The following SDK1 variants were observed in gnomAD, a reference collection of about 807,000 sequenced individuals.
SDK1 encodes protein sidekick-1.
A neutral mutation model predicts 245.5 loss-of-function variants in SDK1; 157 were observed. That is an observed-to-expected ratio of 0.64 (90% CI 0.56 to 0.73). The LOEUF (loss-of-function observed/expected upper bound fraction) is 0.73. Ranked by LOEUF, SDK1 falls within the 30% of genes least tolerant of loss-of-function variation. The pLI is 0.00. For missense variants in SDK1, 3,583 were observed against 3,002.3 expected (o/e 1.19, Z -4.52); for synonymous variants, 1,647 against 1,278.5 (o/e 1.29, Z -6.15).
At chr7:3,930,925 T>C (rs927959860) in intron 5 of SDK1, among the ~76,000 whole-genome samples, 1 of 152,242 alleles carries the variant, frequency 6.6e-6, no homozygotes, top group East Asian at 1.9e-4. Context: ...GAACATCTTA[T>C]CTATAGCCAT....
At chr7:3,421,902 G>T (rs1245246625) in intron 1 of SDK1, among the ~76,000 whole-genome samples, 2 of 152,156 alleles carry the variant, frequency 1.3e-5, no homozygotes, top group East Asian at 3.8e-4. Context: ...AGATGCAGTG[G>T]CTCCTATCTG....
At chr7:3,389,316 A>G (rs75927753) in intron 1 of SDK1, among the ~76,000 whole-genome samples, 6,993 of 152,266 alleles carry the variant, frequency 0.046, 439 homozygotes, top group African/African-American at 0.14. Context: ...GGCTCCAAAT[A>G]CAATTACAAG....
chr7:4,089,319 A>G (rs1781637495), intron 22 of SDK1, among the ~76,000 whole-genome samples: 3 of 152,218 alleles, frequency 2.0e-5, no homozygotes. Context: ...ACCCCGACTC[A>G]GTTCATCAGA....
chr7:3,813,566 A>T (rs1779437577), intron 4 of SDK1, among the ~76,000 whole-genome samples: 1 of 150,806 alleles, frequency 6.6e-6, no homozygotes, highest in South Asian at 2.1e-4. Flanking sequence ...ATGCCGCAGT[A>T]AACATACATG....
chr7:4,176,953 CAA>C (rs1297976302), intron 34 of SDK1, among the ~76,000 whole-genome samples: 4 of 152,222 alleles, frequency 2.6e-5, no homozygotes, highest in Non-Finnish European at 1.5e-5. Flanking sequence ...AAATCCAACT[CAA>C]GGGCTAGACG....
At chr7:3,711,206 T>A (rs1010337884) in intron 4 of SDK1, among the ~76,000 whole-genome samples, 1 of 152,226 alleles carries the variant, frequency 6.6e-6, no homozygotes, top group Non-Finnish European at 1.5e-5. Flanking sequence ...TTCTAAATAT[T>A]TTTGCAGATC....
chr7:3,346,415 C>T (rs564622162), intron 1 of SDK1, among the ~76,000 whole-genome samples: 32 of 152,268 alleles, frequency 2.1e-4, no homozygotes, highest in East Asian at 9.7e-4. Context: ...AGCACTACAA[C>T]GTACGTATGG....
In SDK1 at chr7:3,546,224, C is replaced by T. The variant is rs530009604; in HGVS notation, c.299-72856C>T. 2.6e-5 allele frequency among the ~76,000 whole-genome samples: 4 copies of T among 152,222 alleles called. No individual in the cohort carries two copies. The South Asian group carries it at 8.3e-4, about 32-fold the overall frequency. On this transcript the variant is annotated intron_variant, in intron 1 of 44. Transcript: ENST00000404826. ...CCCTGAGGATGATGACACCGCGGGT[C>T]TGGGAACCACACTGTAACGAACAAT...
intron 1 of SDK1, among the ~76,000 whole-genome samples, chr7:3,325,013 G>A (rs766711457): frequency 7.2e-5 from 11 of 152,074 alleles, no homozygotes; most frequent in Admixed American, 3.3e-4. Flanking sequence ...TGGTGGAGCA[G>A]CTATTAGTTA....
At chr7:3,637,917 A>C (rs917972794) in intron 2 of SDK1, among the ~76,000 whole-genome samples, 2 of 152,252 alleles carry the variant, frequency 1.3e-5, no homozygotes, top group Non-Finnish European at 2.9e-5. Context: ...TCTGTATCTC[A>C]TCCTGAAAGT....
At chr7:4,081,919 G>A (rs1297556518) in intron 22 of SDK1, among the ~76,000 whole-genome samples, 1 of 152,058 alleles carries the variant, frequency 6.6e-6, no homozygotes, top group Non-Finnish European at 1.5e-5. Flanking sequence ...CATCACACAT[G>A]TGTCTAAAAT....
At position 3,698,152 on chromosome 7, in the gene SDK1, G is replaced by A. The variant is rs1435490879; in HGVS notation, c.713+56047G>A. Among the ~76,000 whole-genome samples, 3 of 152,130 alleles carry A rather than the reference G, an allele frequency of 2.0e-5. No individual in the cohort carries two copies. In the East Asian group the frequency reaches 5.8e-4, roughly 29 times the overall value. On this transcript the variant is annotated intron_variant, in intron 4 of 44. Coordinates refer to ENST00000404826, the MANE Select transcript of SDK1 (RefSeq NM_152744.4). Reference sequence around the variant, plus strand: ...GACCACAAAGGAGGCAGCTTAGAATGACAGAAAACTTTTGGACAATAACCA... The same window carrying A: ...GACCACAAAGGAGGCAGCTTAGAATAACAGAAAACTTTTGGACAATAACCA...
intron 1 of SDK1, among the ~76,000 whole-genome samples, chr7:3,402,277 G>A (rs1583805189): frequency 6.6e-6 from 1 of 152,172 alleles, no homozygotes; most frequent in Non-Finnish European, 1.5e-5. Context: ...AATGATATCT[G>A]TTATAAAGGA....
intron 4 of SDK1, among the ~76,000 whole-genome samples, chr7:3,814,294 G>A (rs1562463412): frequency 6.7e-6 from 1 of 149,248 alleles, no homozygotes; most frequent in Non-Finnish European, 1.5e-5. Context: ...TTTGTATAAG[G>A]TGTAAGGAAG....
chr7:3,805,102 C>G, intron 4 of SDK1, among the ~76,000 whole-genome samples: 1 of 152,178 alleles, frequency 6.6e-6, no homozygotes. Context: ...TCACAAGGTA[C>G]TCATATATCA....
intron 1 of SDK1, among the ~76,000 whole-genome samples, chr7:3,320,237 C>T (rs750984375): frequency 6.6e-5 from 10 of 151,800 alleles, no homozygotes; most frequent in African/African-American, 9.7e-5. Context: ...GTCTCATTTC[C>T]AGATATCTTT....
At chr7:3,636,535 G>T (rs1314927853) in intron 2 of SDK1, among the ~76,000 whole-genome samples, 1 of 152,164 alleles carries the variant, frequency 6.6e-6, no homozygotes, top group Non-Finnish European at 1.5e-5. Flanking sequence ...CAAATGCCAG[G>T]ATTTCCTTCT....
chr7:3,604,144 C>CT (rs1251304125), intron 1 of SDK1, among the ~76,000 whole-genome samples: 2 of 152,230 alleles, frequency 1.3e-5, no homozygotes, highest in African/African-American at 4.8e-5. Flanking sequence ...CTAAAATTCT[C>CT]TTTTTTGGTT....
intron 1 of SDK1, among the ~76,000 whole-genome samples, chr7:3,443,020 C>G (rs1394571241): frequency 6.6e-6 from 1 of 150,926 alleles, no homozygotes; most frequent in East Asian, 1.9e-4. Flanking sequence ...TAAAGCAACA[C>G]AATACCCTAT....
Sources: allele counts gnomAD v4.1 joint callset (sites outside exome capture counted in the v4.1 genomes callset), GRCh38; gene constraint gnomAD v4.1.1; transcripts MANE v1.5; gene names NCBI Gene and HGNC (gene_info 2026-07-23, HGNC 2026-07-21).